BRCA1: variants seen among roughly 807,000 people sequenced by gnomAD.
BRCA1 encodes the protein breast cancer type 1 susceptibility protein.
In BRCA1, 140 loss-of-function variants were observed where a neutral mutation model predicts 173.7. The observed-to-expected ratio is 0.81, with a 90% CI of 0.70 to 0.93. BRCA1 has a LOEUF of 0.93. BRCA1 is among the 40% of genes least tolerant of loss of function. The pLI is 0.00. For synonymous variants in BRCA1, 662 were observed against 756.0 expected, an observed-to-expected ratio of 0.88 and a Z score of 2.04; for missense variants, 1,983 against 2,172.5, an observed-to-expected ratio of 0.91 and a Z score of 1.73.
rs2054622929 is a variant in BRCA1, at chr17:43,104,155, T to C, written c.408A>G (p.Arg136=). ...GATTTTCGGGTTCACTCTGTAGAAG[T>C]CTTTTGGCACGGTTTCTGTAGCCCA... ...QSMGYRNRAK[R]LLQSEPENPS... is the part of the protein sequence containing the mutation. The change falls in exon 6 of 23, where the codon AGA becomes AGG. Residue 136 remains arginine (R), a synonymous_variant. Coordinates refer to ENST00000357654, the MANE Select transcript of BRCA1 (RefSeq NM_007294.4). 1 of 1,613,846 alleles carries C rather than the reference T, an allele frequency of 6.2e-7. No homozygotes were observed. The highest frequency in any genetic ancestry group is 8.5e-7 in the Non-Finnish European group (1 of 1,179,972).
At position 43,066,974 on chromosome 17, in the gene BRCA1, C is replaced by T. The variant is rs112349597; in HGVS notation, c.5074+634G>A. Reference sequence around the variant, plus strand: ...CTGGGATTACAGGTGCCTGCCACCACGCCCACCTAATTTTTATATTTTTAG... The same window carrying T: ...CTGGGATTACAGGTGCCTGCCACCATGCCCACCTAATTTTTATATTTTTAG... On this transcript the variant is annotated intron_variant, in intron 16 of 22. Coordinates refer to ENST00000357654, the MANE Select transcript of BRCA1 (RefSeq NM_007294.4). Among the ~76,000 whole-genome samples the T allele has an allele frequency of 1.9e-3, 293 of 151,628 alleles. 3 individuals carry two copies. Among genetic ancestry groups the T allele is most frequent in the African/African-American group, 6.3e-3 (262 of 41,336 alleles).
At chr17:43,095,442 T>C (rs1446731361) in intron 9 of BRCA1, among the ~76,000 whole-genome samples, 1 of 151,262 alleles carries the variant, frequency 6.6e-6, no homozygotes, top group African/African-American at 2.4e-5. Flanking sequence ...ATTAACCGGG[T>C]GTGGTGGCAT....
intron 1 of BRCA1, among the ~76,000 whole-genome samples, chr17:43,140,723 GCCCTCT>G (rs2056069494): frequency 6.6e-6 from 1 of 152,090 alleles, no homozygotes; most frequent in Non-Finnish European, 1.5e-5. Context: ...CAGATGTCCG[GCCCTCT>G]CCCTAGTCTA....
intron 1 of BRCA1, chr17:43,148,231 G>C (rs1298523902): frequency 6.3e-6 from 1 of 158,144 alleles, no homozygotes; most frequent in African/African-American, 2.4e-5. Context: ...CGGAGGTTGC[G>C]GTGAGCTGAG....
chr17:43,151,697 C>G lies in BRCA1; in HGVS notation c.-20+18429G>C, dbSNP rs564456136. 9.2e-5 allele frequency among the ~76,000 whole-genome samples: 14 copies of G among 152,242 alleles called. 2 individuals are homozygous for G. The highest frequency in any genetic ancestry group is 3.1e-4 in the African/African-American group (13 of 41,534). On this transcript the variant is annotated intron_variant, in intron 1 of 7. Transcript: ENST00000634433. Reference sequence around the variant, plus strand: ...TTGAGGCCAATAGTTTGAAACTAGTCTGGTCAACATAGGGAGACCCCATCT... The same window carrying G: ...TTGAGGCCAATAGTTTGAAACTAGTGTGGTCAACATAGGGAGACCCCATCT...
upstream of BRCA1, among the ~76,000 whole-genome samples, chr17:43,126,717 G>T (rs1476089428): frequency 6.6e-6 from 1 of 152,202 alleles, no homozygotes; most frequent in Non-Finnish European, 1.5e-5. Flanking sequence ...GCGCCTCCTC[G>T]GCCTTGGCGT....
In BRCA1 at chr17:43,076,570, T is replaced by G. The variant is rs80357022; in HGVS notation, c.4402A>C (p.Asn1468His). The change falls in exon 13 of 23, where the codon AAT (asparagine) becomes CAT (histidine). Residue 1468 changes from asparagine (N) to histidine (H), a missense_variant. Transcript: ENST00000357654. ...QKSSEYPISQ[N>H]PEGLSADKFE... ...TTGTCAGCAGAAAGGCCTTCTGGAT[T>G]CTGGCTTATAGGGTATTCACTACTT... The G allele has an allele frequency of 1.7e-5, 27 of 1,613,614 alleles. No homozygotes were observed. The highest frequency in any genetic ancestry group is 1.9e-5 in the Non-Finnish European group (23 of 1,179,796).
intron 17 of BRCA1, 141 bp downstream of exon 17, chr17:43,063,733 A>T: frequency 1.4e-6 from 1 of 708,460 alleles, no homozygotes; most frequent in South Asian, 1.7e-5. Context: ...ATTAAAGATA[A>T]AAGTAGTTTA....
intron 14 of BRCA1, 43 bp from the exon 15 acceptor site, chr17:43,071,281 T>G (rs1394855795): frequency 3.1e-6 from 5 of 1,595,084 alleles, no homozygotes. Flanking sequence ...ACGATGAATG[T>G]TGAATTACAA....
At position 43,093,455 on chromosome 17, in the gene BRCA1, A is replaced by T. The variant is rs587782595; in HGVS notation, c.2076T>A (p.His692Gln). The T allele has an allele frequency of 2.5e-6, 4 of 1,614,048 alleles. No individual in the cohort carries two copies. Among genetic ancestry groups the T allele is most frequent in the Non-Finnish European group, 3.4e-6 (4 of 1,179,970 alleles). Residue 692 changes from histidine to glutamine, a missense_variant, in exon 10 of 23, where the codon CAT becomes CAA. Physicochemically the swap from His to Gln is conservative, Grantham distance 24. Transcript: ENST00000357654. ...NKPNEQTSKR[H>Q]DSDTFPELKL... ...TCAGCTCTGGGAAAGTATCGCTGTCATGTCTTTTACTTGTCTGTTCATTTG... is the reference window on the plus strand; with the variant it reads ...TCAGCTCTGGGAAAGTATCGCTGTCTTGTCTTTTACTTGTCTGTTCATTTG...
chr17:43,118,930 A>T (rs1385357548), intron 2 of BRCA1, among the ~76,000 whole-genome samples: 1 of 151,800 alleles, frequency 6.6e-6, no homozygotes, highest in Non-Finnish European at 1.5e-5. Flanking sequence ...CACCCGGCTA[A>T]TTTTTTTGTA....
intron 18 of BRCA1, among the ~76,000 whole-genome samples, chr17:43,061,068 G>A (rs1037580238): frequency 6.6e-6 from 1 of 152,124 alleles, no homozygotes; most frequent in East Asian, 1.9e-4. Flanking sequence ...AGAGTTTGCA[G>A]TGAGCCAAGA....
At chr17:43,111,789 T>C (rs1482422515) in intron 3 of BRCA1, among the ~76,000 whole-genome samples, 1 of 152,000 alleles carries the variant, frequency 6.6e-6, no homozygotes. Flanking sequence ...ACCACCGCAC[T>C]CCAGCCTGGG....
At chr17:43,153,985 T>C (rs2056180001) in intron 1 of BRCA1, among the ~76,000 whole-genome samples, 1 of 152,034 alleles carries the variant, frequency 6.6e-6, no homozygotes, top group South Asian at 2.1e-4. Flanking sequence ...TCAGGAGTTC[T>C]AGATCATCCT....
rs8176312 is a variant in BRCA1 at position 43,047,106 on chromosome 17, T to C, written c.5467+537A>G. 0.11 allele frequency among the ~76,000 whole-genome samples: 16,102 copies of C among 152,132 alleles called. 2,640 individuals are homozygous for C. Among genetic ancestry groups the C allele is most frequent in the African/African-American group, 0.35 (14,579 of 41,430 alleles). On this transcript the variant is annotated intron_variant, in intron 22 of 22. Transcript: ENST00000357654. ...TGTTTTTGTGTAAATTTATACTTTC[T>C]TTTTTCTTTTTGAGACACGGTCTCG...
rs1044255174 is a variant in BRCA1 at position 43,075,392 on chromosome 17, C to T, written c.4485-871G>A. Among the ~76,000 whole-genome samples the T allele has an allele frequency of 8.5e-5, 13 of 152,306 alleles. No homozygotes were observed. The South Asian group carries it at 1.2e-3, about 15-fold the overall frequency. The stretch of plus-strand genomic sequence containing the variant: ...CATACACACCCAGTAAATAGTTCCT[C>T]TGCTCTTCCAAGTGCTTAGGACTTT... On this transcript the variant is annotated intron_variant, in intron 13 of 22. Transcript: ENST00000357654.
At chr17:43,064,147 T>G (rs1283871163) in intron 16 of BRCA1, among the ~76,000 whole-genome samples, 196 bp from the exon 17 acceptor site, 2 of 152,206 alleles carry the variant, frequency 1.3e-5, no homozygotes, top group African/African-American at 4.8e-5. Context: ...TTTGGAAGTC[T>G]AGGGGAGGCT....
In BRCA1 at chr17:43,104,136, C is replaced by A. The variant is rs80356991; in HGVS notation, c.427G>T (p.Glu143Ter). The change falls in exon 6 of 23, where the codon GAA becomes TAA. Residue 143 changes from glutamate to a stop codon, truncating the protein, a stop_gained. Coordinates refer to ENST00000357654, the MANE Select transcript of BRCA1 (RefSeq NM_007294.4). LOFTEE classifies it high-confidence loss of function. ...AATGGTTTTACCAAGGAAGGATTTT[C>A]GGGTTCACTCTGTAGAAGTCTTTTG... Reference protein sequence around the residue: ...RAKRLLQSEPENPSLQETSLS... With the variant: ...RAKRLLQSEP 12 of 1,613,344 alleles carry A rather than the reference C, an allele frequency of 7.4e-6. No individual in the cohort carries two copies. The highest frequency in any genetic ancestry group is 9.3e-6 in the Non-Finnish European group (11 of 1,179,778).
In BRCA1 at chr17:43,091,443, G is replaced by C. The variant is rs398122680; in HGVS notation, c.4088C>G (p.Ser1363Ter). 1 of 1,613,886 alleles carries C rather than the reference G, an allele frequency of 6.2e-7. No individual in the cohort carries two copies. Among genetic ancestry groups the C allele is most frequent in the African/African-American group, 1.3e-5 (1 of 75,026 alleles). ...AAACCTGGTTCCAATACCTAAGTTT[G>C]AATCCATGCTTTGCTCTTCTTGATT... ...ENNQEEQSMD[S>*]NLGEAASGCE... The change falls in exon 10 of 23, where the codon TCA becomes TGA. Residue 1363 changes from serine to a stop codon, truncating the protein, a stop_gained. Transcript: ENST00000357654. LOFTEE classifies it high-confidence loss of function.
Sources: allele counts gnomAD v4.1 joint callset (sites outside exome capture counted in the v4.1 genomes callset), GRCh38; gene constraint gnomAD v4.1.1; transcripts MANE v1.5; gene names NCBI Gene and HGNC (gene_info 2026-07-23, HGNC 2026-07-21).